The following FA2H variants were observed in gnomAD, a reference collection of about 807,000 sequenced individuals.
The protein encoded by FA2H is fatty acid alpha-hydroxylase.
Under a neutral mutation model 44.9 loss-of-function variants are expected in FA2H, and 22 were observed. The ratio of observed to expected loss-of-function variants is 0.49; its 90% CI spans 0.35 to 0.70. The LOEUF is 0.70. Among genes scored for constraint, FA2H ranks in the 30% least tolerant of loss-of-function variants. The pLI is 0.01. For missense variants in FA2H, 501 were observed against 504.9 expected (o/e 0.99, Z 0.07); for synonymous variants, 243 against 213.2 (o/e 1.14, Z -1.22).
In FA2H at chr16:74,746,401, G is replaced by A. The variant is rs1597561099; in HGVS notation, c.271-6286C>T. Among the ~76,000 whole-genome samples, 4 of 151,150 alleles carry A rather than the reference G, an allele frequency of 2.6e-5. No homozygotes were observed. In the East Asian group the frequency reaches 7.8e-4, roughly 29 times the overall value. ...TTATTTTTTTTTTGGTAGAAAAGGG[G>A]GTCTCGCTATGTGGCCCAGGTTAGT... On this transcript the variant is annotated intron_variant, in intron 1 of 6. Transcript: ENST00000219368.
intron 4 of FA2H, chr16:74,725,836 G>A (rs1044189232): frequency 1.7e-5 from 6 of 346,038 alleles, no homozygotes; most frequent in Non-Finnish European, 3.4e-5. Context: ...TGGGTTCATA[G>A]GCCAGTCCGA....
intron 1 of FA2H, among the ~76,000 whole-genome samples, chr16:74,763,978 G>A (rs1962759705): frequency 6.6e-6 from 1 of 152,226 alleles, no homozygotes; most frequent in African/African-American, 2.4e-5. Flanking sequence ...AGAAACTGAA[G>A]TTATTTGGAT....
intron 1 of FA2H, among the ~76,000 whole-genome samples, chr16:74,750,525 T>G (rs1962508710): frequency 6.6e-6 from 1 of 152,168 alleles, no homozygotes; most frequent in East Asian, 1.9e-4. Context: ...CTGAACTGTT[T>G]TATTTAAAAA....
rs144307918 is a variant in FA2H, at chr16:74,769,180, C to G, written c.270+5306G>C. 3.7e-3 allele frequency among the ~76,000 whole-genome samples: 568 copies of G among 152,302 alleles called. 5 individuals carry two copies. The highest frequency in any genetic ancestry group is 0.012 in the African/African-American group (506 of 41,568). ...TGATCACAGCTTATTGCAGGCTCAACTTCCCAGGCTCAGGTGATCCTCCCA... is the reference window on the plus strand; with the variant it reads ...TGATCACAGCTTATTGCAGGCTCAAGTTCCCAGGCTCAGGTGATCCTCCCA... On this transcript the variant is annotated intron_variant, in intron 1 of 6. Coordinates refer to ENST00000219368, the MANE Select transcript of FA2H (RefSeq NM_024306.5).
chr16:74,762,507 A>G (rs1428281840), intron 1 of FA2H, among the ~76,000 whole-genome samples: 1 of 152,062 alleles, frequency 6.6e-6, no homozygotes, highest in Non-Finnish European at 1.5e-5. Flanking sequence ...TCCTATGTCT[A>G]TGAAATATTG....
rs57773726 is a variant in FA2H, at chr16:74,741,773, AATATATATATATATATATATATATAT to A, written c.271-1684_271-1659del. Among the ~76,000 whole-genome samples the A allele has an allele frequency of 1.2e-4, 6 of 48,060 alleles. No homozygotes were observed. In the South Asian group the frequency reaches 3.9e-3, roughly 32 times the overall value. The allele number at this position is 48,060 out of a possible 152,430, so 31.5% of individuals were successfully genotyped here. On this transcript the variant is annotated intron_variant, in intron 1 of 6. Coordinates refer to ENST00000219368, the MANE Select transcript of FA2H (RefSeq NM_024306.5). ...ACCGTGCTGGGCCAACACCTGATTA[AATATATATATATATATATATATATAT>A]ATATATATATGTGTGTGTGTGTGTG...
intron 4 of FA2H, among the ~76,000 whole-genome samples, chr16:74,720,109 C>T (rs962658379): frequency 2.6e-5 from 4 of 151,436 alleles, no homozygotes; most frequent in Non-Finnish European, 5.9e-5. Flanking sequence ...CTTTCCTCCA[C>T]CTCATTCATT....
chr16:74,730,230 G>C (rs1047807585), intron 2 of FA2H, among the ~76,000 whole-genome samples: 3 of 152,092 alleles, frequency 2.0e-5, no homozygotes, highest in Non-Finnish European at 4.4e-5. Flanking sequence ...TGTGACCAGG[G>C]TGAAGGGCCC....
At chr16:74,774,127 G>A (rs1220116693) in intron 1 of FA2H, among the ~76,000 whole-genome samples, 1 of 152,112 alleles carries the variant, frequency 6.6e-6, no homozygotes, top group Non-Finnish European at 1.5e-5. Context: ...AAGTGAAGAG[G>A]AAGGAAAGCC....
chr16:74,769,446 C>T (rs55868335), intron 1 of FA2H, among the ~76,000 whole-genome samples: 3,334 of 152,180 alleles, frequency 0.022, 131 homozygotes, highest in African/African-American at 0.076. Flanking sequence ...CTGTTATTAT[C>T]GCCAAGCATG....
At chr16:74,733,137 C>A (rs1397566255) in intron 2 of FA2H, among the ~76,000 whole-genome samples, 1 of 152,194 alleles carries the variant, frequency 6.6e-6, no homozygotes, top group Non-Finnish European at 1.5e-5. Flanking sequence ...AGGAAGCCCA[C>A]CTGGGTGCCC....
intron 1 of FA2H, among the ~76,000 whole-genome samples, chr16:74,742,825 T>G (rs949826539): frequency 1.7e-4 from 26 of 152,088 alleles, no homozygotes; most frequent in African/African-American, 5.8e-4. Context: ...GGCCACAGAG[T>G]AAGACCTTGT....
At chr16:74,770,931 T>C (rs1350874906) in intron 1 of FA2H, among the ~76,000 whole-genome samples, 1 of 152,138 alleles carries the variant, frequency 6.6e-6, no homozygotes, top group African/African-American at 2.4e-5. Flanking sequence ...TGAGACTGGG[T>C]CCCTGGGTCC....
intron 1 of FA2H, among the ~76,000 whole-genome samples, chr16:74,745,409 C>G (rs572577667): frequency 6.6e-6 from 1 of 152,370 alleles, no homozygotes; most frequent in East Asian, 1.9e-4. Context: ...GAGCCCTCCC[C>G]AACCCCCTGC....
chr16:74,732,773 A>G lies in FA2H; in HGVS notation c.364-5387T>C, dbSNP rs544743988. Among the ~76,000 whole-genome samples the G allele has an allele frequency of 2.0e-5, 3 of 152,298 alleles. No individual in the cohort carries two copies. The East Asian group carries it at 5.8e-4, about 29-fold the overall frequency. On this transcript the variant is annotated intron_variant, in intron 2 of 6. Transcript: ENST00000219368. ...GGATTCATACGTTGAATTCAGTTGA[A>G]CCACAAGAAGAAATGTCTAGGTAAG...
At chr16:74,758,021 A>AAT (rs999947104) in intron 1 of FA2H, among the ~76,000 whole-genome samples, 27 of 152,132 alleles carry the variant, frequency 1.8e-4, no homozygotes, top group South Asian at 1.0e-3. Context: ...CCTGTCTTTA[A>AAT]ATATATATAT....
chr16:74,738,609 C>G (rs139489596), intron 2 of FA2H, among the ~76,000 whole-genome samples: 1 of 152,210 alleles, frequency 6.6e-6, no homozygotes, highest in Non-Finnish European at 1.5e-5. Context: ...CTAAGCCAAG[C>G]TCACAGATGC....
intron 1 of FA2H, among the ~76,000 whole-genome samples, chr16:74,741,522 G>A (rs1288482840): frequency 2.6e-5 from 4 of 151,872 alleles, no homozygotes; most frequent in East Asian, 3.9e-4. Flanking sequence ...ACCCAGGCTG[G>A]GGTGCAACAG....
chr16:74,739,896 C>G (rs1303850918), intron 2 of FA2H, 127 bp downstream of exon 2: 43 of 796,406 alleles, frequency 5.4e-5, no homozygotes, highest in Middle Eastern at 2.4e-4. Context: ...TGGACACCTG[C>G]TTCTCCTTCC....
Sources: gnomAD v4.1 joint callset for allele counts (sites outside exome capture counted in the v4.1 genomes callset) on GRCh38, gnomAD v4.1.1 for gene constraint, MANE v1.5 for transcripts, NCBI Gene and HGNC (gene_info 2026-07-23, HGNC 2026-07-21) for gene names.